CDH23: variants seen among roughly 807,000 people sequenced by gnomAD.
The protein encoded by CDH23 is cadherin-23.
In CDH23, 189 loss-of-function variants were observed where a neutral mutation model predicts 317.1. That is an observed-to-expected ratio of 0.60 (90% CI 0.53 to 0.67). CDH23 has a LOEUF of 0.67. Ranked by LOEUF, CDH23 falls within the 30% of genes least tolerant of loss-of-function variation. The pLI is 0.00. For missense variants in CDH23, 4,401 were observed against 4,592.4 expected (o/e 0.96, Z 1.20); for synonymous variants, 1,839 against 1,876.8 (o/e 0.98, Z 0.52).
intron 1 of CDH23, among the ~76,000 whole-genome samples, chr10:71,403,454 TTTCCTTCCTTCCTTCC>T (rs1158827093): frequency 0.012 from 437 of 35,256 alleles, 21 homozygotes; most frequent in African/African-American, 0.021. Flanking sequence ...CCTTCCTTCC[TTTCCTTCCTTCCTTCC>T]TTCCTTCCTT....
At chr10:71,598,348 G>A (rs1005121453) in intron 9 of CDH23, among the ~76,000 whole-genome samples, 5 of 152,214 alleles carry the variant, frequency 3.3e-5, no homozygotes, top group African/African-American at 1.2e-4. Flanking sequence ...AAGCAAAGAG[G>A]TTACTTCCTC....
At chr10:71,616,219 C>CG (rs995534543) in intron 10 of CDH23, among the ~76,000 whole-genome samples, 1 of 152,244 alleles carries the variant, frequency 6.6e-6, no homozygotes, top group Non-Finnish European at 1.5e-5. Flanking sequence ...GTCTGAGCCA[C>CG]GGGGGGTCTT....
chr10:71,564,090 G>A (rs947602850), intron 6 of CDH23, among the ~76,000 whole-genome samples: 2 of 152,132 alleles, frequency 1.3e-5, no homozygotes, highest in African/African-American at 4.8e-5. Flanking sequence ...CAAAGTTAGG[G>A]AGTCTAACTC....
chr10:71,774,642 T>C (rs916868600), intron 38 of CDH23, among the ~76,000 whole-genome samples: 1 of 152,190 alleles, frequency 6.6e-6, no homozygotes. Context: ...AGTGAGTGAT[T>C]GTGTGATGGA....
chr10:71,485,755 T>C (rs1852315592), intron 3 of CDH23, among the ~76,000 whole-genome samples: 1 of 152,336 alleles, frequency 6.6e-6, no homozygotes, highest in African/African-American at 2.4e-5. Flanking sequence ...ACATCTGCCA[T>C]TGTGGGTGGT....
At position 71,519,869 on chromosome 10, in the gene CDH23, G is replaced by A. The variant is rs76824675; in HGVS notation, c.429+8657G>A. 5.5e-3 allele frequency among the ~76,000 whole-genome samples: 838 copies of A among 151,456 alleles called. 37 individuals carry two copies. The East Asian group carries it at 0.12, about 22-fold the overall frequency. ...CATGGTGTGATCACAGCTCACTGCA[G>A]CCTTAACCTCCTGGGTTCAAGTGAT... On this transcript the variant is annotated intron_variant, in intron 6 of 69. Transcript: ENST00000224721.
chr10:71,651,972 C>T (rs887138474), intron 14 of CDH23, among the ~76,000 whole-genome samples: 1 of 152,222 alleles, frequency 6.6e-6, no homozygotes, highest in Admixed American at 6.5e-5. Context: ...TGGCGCAGGG[C>T]TTACTGAGCT....
At chr10:71,542,033 G>A (rs145353378) in intron 6 of CDH23, among the ~76,000 whole-genome samples, 137 of 152,258 alleles carry the variant, frequency 9.0e-4, no homozygotes, top group African/African-American at 2.9e-3. Context: ...TACAAAAGAC[G>A]GTAAGGACTT....
chr10:71,492,093 A>G (rs1008927873), intron 3 of CDH23, among the ~76,000 whole-genome samples: 1 of 152,170 alleles, frequency 6.6e-6, no homozygotes, highest in Non-Finnish European at 1.5e-5. Flanking sequence ...TCCAGGAGTG[A>G]AATTACTCGA....
chr10:71,712,915 G>C, intron 28 of CDH23, 102 bp downstream of exon 28: 1 of 1,407,702 alleles, frequency 7.1e-7, no homozygotes, highest in Non-Finnish European at 9.8e-7. Flanking sequence ...GCGGAAGCAG[G>C]TGGGGGCCCA....
At chr10:71,737,961 C>T (rs1048994006) in intron 34 of CDH23, 2 of 383,840 alleles carry the variant, frequency 5.2e-6, no homozygotes, top group African/African-American at 2.1e-5. Context: ...CCCCCTCCTG[C>T]TCCTGGGCCC....
chr10:71,510,041 C>A, intron 3 of CDH23, 41 bp from the exon 4 acceptor site: 1 of 1,613,522 alleles, frequency 6.2e-7, no homozygotes, highest in Non-Finnish European at 8.5e-7. Context: ...TAAACGTGAC[C>A]TCTCTTATTT....
chr10:71,805,164 A>G (rs979159328), intron 55 of CDH23, among the ~76,000 whole-genome samples: 1 of 152,178 alleles, frequency 6.6e-6, no homozygotes. Flanking sequence ...TCATGGGTCA[A>G]TGTATGATTT....
At chr10:71,589,051 C>A (rs6480532) in intron 9 of CDH23, among the ~76,000 whole-genome samples, 24,633 of 152,178 alleles carry the variant, frequency 0.16, 2,977 homozygotes, top group African/African-American at 0.33. Context: ...CTTCCCTCTA[C>A]AGGGCCAGGA....
At chr10:71,734,135 T>C in intron 32 of CDH23, 105 bp from the exon 33 acceptor site, 1 of 915,736 alleles carries the variant, frequency 1.1e-6, no homozygotes, top group Non-Finnish European at 1.8e-6. Flanking sequence ...CTGGGGAAGT[T>C]ATGCCGGACA....
chr10:71,440,344 G>T (rs1849816796), intron 2 of CDH23, among the ~76,000 whole-genome samples: 2 of 152,184 alleles, frequency 1.3e-5, no homozygotes, highest in South Asian at 2.1e-4. Context: ...CCTGGCAGGG[G>T]AGAAAGACAC....
intron 11 of CDH23, among the ~76,000 whole-genome samples, chr10:71,631,517 A>G (rs987529282): frequency 6.6e-6 from 1 of 152,192 alleles, no homozygotes; most frequent in Admixed American, 6.5e-5. Flanking sequence ...AGGCAGCCCT[A>G]ATGTCTTTCA....
At chr10:71,707,328 G>A (rs867798808) in intron 26 of CDH23, 8 of 1,416,994 alleles carry the variant, frequency 5.6e-6, no homozygotes, top group Middle Eastern at 2.5e-4. Context: ...TCTAGAGGGA[G>A]GTAAGGCCCC....
chr10:71,809,742 C>T (rs1448862414), intron 60 of CDH23, 78 bp from the exon 61 acceptor site: 2 of 1,557,744 alleles, frequency 1.3e-6, no homozygotes, highest in Non-Finnish European at 1.7e-6. Flanking sequence ...TGCCCACCTA[C>T]CCCAGGGCTC....
Sources: gnomAD v4.1 joint callset for allele counts (sites outside exome capture counted in the v4.1 genomes callset) on GRCh38, gnomAD v4.1.1 for gene constraint, MANE v1.5 for transcripts, NCBI Gene and HGNC (gene_info 2026-07-23, HGNC 2026-07-21) for gene names.